The following KLHL8 variants were observed in gnomAD, a reference collection of about 807,000 sequenced individuals.
The protein encoded by KLHL8 is kelch like family member 8.
In KLHL8, 38 loss-of-function variants were observed where a neutral mutation model predicts 63.5. The observed-to-expected ratio is 0.60, with a 90% CI of 0.46 to 0.78. The LOEUF is 0.78. Among genes scored for constraint, KLHL8 ranks in the 30% least tolerant of loss-of-function variants. KLHL8 has a pLI of 0.00. For missense variants in KLHL8, 566 were observed against 752.4 expected (o/e 0.75, Z 2.90); for synonymous variants, 224 against 254.3 (o/e 0.88, Z 1.13).
intron 8 of KLHL8, among the ~76,000 whole-genome samples, chr4:87,168,069 A>AG (rs990457929): frequency 2.0e-5 from 3 of 152,192 alleles, no homozygotes; most frequent in Non-Finnish European, 1.5e-5. Flanking sequence ...TTATGGTTAA[A>AG]GGGGGAAGAT....
At chr4:87,201,934 A>C (rs1731931952) in intron 1 of KLHL8, among the ~76,000 whole-genome samples, 1 of 151,562 alleles carries the variant, frequency 6.6e-6, no homozygotes, top group Non-Finnish European at 1.5e-5. Context: ...TGCTTACATC[A>C]AAAAAAAGTA....
intron 6 of KLHL8, among the ~76,000 whole-genome samples, chr4:87,173,969 A>C (rs1451229428): frequency 6.6e-6 from 1 of 151,138 alleles, no homozygotes; most frequent in Non-Finnish European, 1.5e-5. Context: ...ATTTTTTTTT[A>C]ATCTTTCATA....
At chr4:87,233,612 C>T (rs765139797) in intron 1 of KLHL8, among the ~76,000 whole-genome samples, 3 of 152,100 alleles carry the variant, frequency 2.0e-5, no homozygotes, top group Non-Finnish European at 4.4e-5. Flanking sequence ...GATCAGACTT[C>T]ACCTATTTAC....
chr4:87,228,391 T>A (rs980616507), intron 1 of KLHL8, among the ~76,000 whole-genome samples: 1 of 152,216 alleles, frequency 6.6e-6, no homozygotes, highest in African/African-American at 2.4e-5. Flanking sequence ...GACAGTTTTC[T>A]CAGGGACTAT....
chr4:87,226,851 A>T lies in KLHL8; in HGVS notation n.58-5461T>A, dbSNP rs1245654367. On this transcript the variant is annotated intron_variant and non_coding_transcript_variant, in intron 1 of 1. Transcript: ENST00000506274. ...TATTTATAAATAATATATATATTAT[A>T]TATAAATAATATATATTATATATAA... is the stretch of plus-strand genomic sequence containing the variant. Among the ~76,000 whole-genome samples the T allele has an allele frequency of 2.2e-4, 7 of 32,478 alleles. 1 individual carries two copies. Among genetic ancestry groups the T allele is most frequent in the South Asian group, 9.3e-4 (1 of 1,072 alleles). The allele number at this position is 32,478 out of a possible 152,430, so 21.3% of individuals were successfully genotyped here. A position where few individuals can be genotyped will look rare whatever the true frequency, so the allele number is the denominator to read the frequency against.
At position 87,161,424 on chromosome 4, in the gene KLHL8, T is replaced by C. The variant is rs1730167204; in HGVS notation, c.*2095A>G. On this transcript the variant is annotated 3_prime_UTR_variant, in exon 10 of 10. Transcript: ENST00000273963. ...ACACACTTTACTTCTGAGTATTTCA[T>C]ATTTTACGGGTAGGTAGGGTACCAA... The C allele has an allele frequency of 6.6e-6, 1 of 152,214 alleles. No homozygotes were observed. Among genetic ancestry groups the C allele is most frequent in the South Asian group, 2.1e-4 (1 of 4,832 alleles). 9.4% of individuals were successfully genotyped at this position (152,214 alleles called of 1,614,324 possible). A position where few individuals can be genotyped will look rare whatever the true frequency, so the allele number is the denominator to read the frequency against.
intron 2 of KLHL8, among the ~76,000 whole-genome samples, chr4:87,187,910 T>C (rs1476855214): frequency 6.6e-6 from 1 of 152,222 alleles, no homozygotes; most frequent in Non-Finnish European, 1.5e-5. Flanking sequence ...TGTATCTCAT[T>C]ATTTGAGAAC....
At chr4:87,224,448 GA>G (rs1732938488), upstream of KLHL8, among the ~76,000 whole-genome samples, 2 of 152,276 alleles carry the variant, frequency 1.3e-5, no homozygotes, top group Non-Finnish European at 2.9e-5. Context: ...AAAGATTAAT[GA>G]AGAAGGTTAT....
chr4:87,201,491 T>C (rs886878477), intron 1 of KLHL8, among the ~76,000 whole-genome samples: 50 of 152,328 alleles, frequency 3.3e-4, no homozygotes, highest in African/African-American at 1.1e-3. Flanking sequence ...AGCAGAGAAT[T>C]AGCAATGACA....
intron 1 of KLHL8, among the ~76,000 whole-genome samples, chr4:87,215,307 T>C (rs756641476): frequency 3.9e-5 from 6 of 152,234 alleles, no homozygotes; most frequent in African/African-American, 7.2e-5. Flanking sequence ...CTTTTATATA[T>C]AAAGTATGCT....
At chr4:87,184,541 A>C (rs1410909378) in intron 3 of KLHL8, among the ~76,000 whole-genome samples, 1 of 152,186 alleles carries the variant, frequency 6.6e-6, no homozygotes, top group East Asian at 1.9e-4. Flanking sequence ...AATTTAGAAA[A>C]AATAAGTAAA....
chr4:87,240,206 A>G (rs2110076259), intron 1 of KLHL8: 1 of 152,322 alleles, frequency 6.6e-6, no homozygotes, highest in East Asian at 1.9e-4. Context: ...GTCTTATTGC[A>G]ATGTTAGATT....
At position 87,195,530 on chromosome 4, in the gene KLHL8, C is replaced by A. The variant is rs1731662071; in HGVS notation, c.10G>T (p.Asp4Tyr). 1 of 1,612,564 alleles carries A rather than the reference C, an allele frequency of 6.2e-7. No homozygotes were observed. The highest frequency in any genetic ancestry group is 8.5e-7 in the Non-Finnish European group (1 of 1,179,586). The change falls in exon 2 of 10, where the codon GAT becomes TAT. Residue 4 changes from aspartate to tyrosine, a missense_variant. Physicochemically the swap from Asp to Tyr is radical, Grantham distance 160. Transcript: ENST00000273963. MAS[D>Y]SMSSKQARNH... Reference sequence around the variant, plus strand: ...CTAGCTTGTTTACTACTCATAGAATCTGAAGCCATTTGCAATATTCCTCTT... The same window carrying A: ...CTAGCTTGTTTACTACTCATAGAATATGAAGCCATTTGCAATATTCCTCTT...
chr4:87,186,169 G>A (rs1731246445), intron 2 of KLHL8, among the ~76,000 whole-genome samples: 1 of 151,988 alleles, frequency 6.6e-6, no homozygotes, highest in Non-Finnish European at 1.5e-5. Flanking sequence ...CTACCAAGTA[G>A]TTGGGATTAC....
At chr4:87,177,540 T>C (rs1730876744) in intron 5 of KLHL8, among the ~76,000 whole-genome samples, 1 of 147,156 alleles carries the variant, frequency 6.8e-6, no homozygotes, top group Non-Finnish European at 1.5e-5. Flanking sequence ...ACAAAAACTA[T>C]ATATATATAT....
chr4:87,217,460 G>A (rs1285910740), intron 1 of KLHL8, among the ~76,000 whole-genome samples: 3 of 151,842 alleles, frequency 2.0e-5, no homozygotes, highest in South Asian at 2.1e-4. Flanking sequence ...TCAGTCTCCC[G>A]AGTAGCTGGG....
At chr4:87,211,111 A>T (rs1466220184) in intron 1 of KLHL8, among the ~76,000 whole-genome samples, 1 of 152,166 alleles carries the variant, frequency 6.6e-6, no homozygotes. Context: ...CAATAAACAA[A>T]CAGAAGTACT....
chr4:87,164,505 T>C (rs1730300704), intron 8 of KLHL8, among the ~76,000 whole-genome samples: 1 of 152,216 alleles, frequency 6.6e-6, no homozygotes, highest in African/African-American at 2.4e-5. Flanking sequence ...AACTGAATCA[T>C]GATTCATCCA....
chr4:87,233,127 C>T (rs1236309359), intron 1 of KLHL8, among the ~76,000 whole-genome samples: 1 of 151,986 alleles, frequency 6.6e-6, no homozygotes, highest in Non-Finnish European at 1.5e-5. Flanking sequence ...GCAACCTTCG[C>T]CTCCAGGGTT....
Sources: allele counts gnomAD v4.1 joint callset (sites outside exome capture counted in the v4.1 genomes callset), GRCh38; gene constraint gnomAD v4.1.1; transcripts MANE v1.5; gene names NCBI Gene and HGNC (gene_info 2026-07-23, HGNC 2026-07-21).